Variants in DDX27 observed in about 807,000 individuals in gnomAD.
DDX27 encodes the protein probable ATP-dependent RNA helicase DDX27.
A neutral mutation model predicts 99.3 loss-of-function variants in DDX27; 42 were observed. That is an observed-to-expected ratio of 0.42 (90% CI 0.33 to 0.55). DDX27 has a LOEUF of 0.55. DDX27 is among the 20% of genes least tolerant of loss of function. The pLI is 0.07. For missense variants in DDX27, 798 were observed against 976.8 expected (o/e 0.82, Z 2.44); for synonymous variants, 329 against 353.8 (o/e 0.93, Z 0.79).
chr20:49,243,143 C>T (rs1331647676), intron 19 of DDX27, among the ~76,000 whole-genome samples: 3 of 152,168 alleles, frequency 2.0e-5, no homozygotes, highest in Admixed American at 1.3e-4. Flanking sequence ...ACCCCCCACC[C>T]CTCTCAGAGC....
intron 8 of DDX27, among the ~76,000 whole-genome samples, chr20:49,229,125 C>T (rs1451623434): frequency 6.6e-6 from 1 of 151,092 alleles, no homozygotes; most frequent in Admixed American, 6.6e-5. Context: ...GCAAGCTCCG[C>T]CTCCCGGGTT....
chr20:49,233,739 T>C, intron 11 of DDX27, 30 bp downstream of exon 11: 2 of 1,603,144 alleles, frequency 1.2e-6, no homozygotes, highest in South Asian at 1.1e-5. Context: ...CTGGGCAGGG[T>C]GGGCTGGTCA....
At chr20:49,232,783 A>AT (rs1980163085) in intron 9 of DDX27, 1 of 186,948 alleles carries the variant, frequency 5.3e-6, no homozygotes, top group African/African-American at 2.4e-5. Flanking sequence ...AAAAAAAAAA[A>AT]AAAAAAATTA....
chr20:49,242,118 G>A lies in DDX27; in HGVS notation c.2028G>A (p.Ala676=), dbSNP rs1324650256. The change falls in exon 18 of 21, where the codon GCG becomes GCA. Residue 676 remains alanine, a synonymous_variant. Coordinates refer to ENST00000618172, the MANE Select transcript of DDX27 (RefSeq NM_017895.8). ...GGTCTCAGTTTGAAATCCTCAAGGC[G>A]CAGATGTTTGCTGAACGGCTAGCGA... The part of the protein sequence containing the change: ...EERSQFEILK[A]QMFAERLAKR... 3 of 1,614,094 alleles carry A rather than the reference G, an allele frequency of 1.9e-6. No homozygotes were observed. Among genetic ancestry groups the A allele is most frequent in the Non-Finnish European group, 2.5e-6 (3 of 1,180,044 alleles).
chr20:49,239,445 G>T, intron 16 of DDX27, 107 bp downstream of exon 16: 1 of 767,972 alleles, frequency 1.3e-6, no homozygotes. Flanking sequence ...CCAACCTTTC[G>T]GCACCAAGGA....
chr20:49,229,655 T>G (rs898211891), intron 8 of DDX27, among the ~76,000 whole-genome samples: 2 of 150,622 alleles, frequency 1.3e-5, no homozygotes, highest in Non-Finnish European at 3.0e-5. Context: ...ATTCTCTTTT[T>G]TTTTTTTTTT....
At chr20:49,225,744 C>T (rs1363511742) in intron 6 of DDX27, among the ~76,000 whole-genome samples, 2 of 152,154 alleles carry the variant, frequency 1.3e-5, no homozygotes, top group Admixed American at 6.6e-5. Context: ...CGTGAGCCAC[C>T]GCGCCCGGCC....
rs10654735 is a variant in DDX27, at chr20:49,224,362, C to CTTTTTTTT, written c.467-580_467-579insTTTTTTTT. 1.4e-5 allele frequency among the ~76,000 whole-genome samples: 2 copies of CTTTTTTTT among 140,818 alleles called. 1 individual carries two copies. The highest frequency in any genetic ancestry group is 3.1e-5 in the Non-Finnish European group (2 of 65,512). The allele number at this position is 140,818 out of a possible 152,430, so 92.4% of individuals were successfully genotyped here. A position where few individuals can be genotyped will look rare whatever the true frequency, so the allele number is the denominator to read the frequency against. On this transcript the variant is annotated intron_variant, in intron 4 of 20. Transcript: ENST00000618172. ...GTGGGTGCTCAATAAGTATTTCTTT[C>CTTTTTTTT]TTTCTTTTTTTTTTTTTGAGATGGA... is the stretch of plus-strand genomic sequence containing the variant.
At chr20:49,237,726 C>G (rs1458219894) in intron 14 of DDX27, among the ~76,000 whole-genome samples, 3 of 152,120 alleles carry the variant, frequency 2.0e-5, no homozygotes, top group Admixed American at 1.3e-4. Flanking sequence ...CCTGGGTGAT[C>G]GGAATGAGGC....
At position 49,226,552 on chromosome 20, in the gene DDX27, C is replaced by G. The variant is rs1003398487; in HGVS notation, c.706+17C>G. The G allele has an allele frequency of 1.9e-6, 3 of 1,604,256 alleles. No individual in the cohort carries two copies. Among genetic ancestry groups the G allele is most frequent in the Admixed American group, 1.7e-5 (1 of 59,780 alleles). ...CTGGGACAGGTGAAAAGGATAGGGACCCAGGGTGGGCAGAAGGGTGTTACG... is the reference window on the plus strand; with the variant it reads ...CTGGGACAGGTGAAAAGGATAGGGAGCCAGGGTGGGCAGAAGGGTGTTACG... On this transcript the variant is annotated intron_variant, in intron 7 of 20. Coordinates refer to ENST00000618172, the MANE Select transcript of DDX27 (RefSeq NM_017895.8).
intron 3 of DDX27, 49 bp downstream of exon 3, chr20:49,223,065 C>G (rs1272177859): frequency 6.5e-7 from 1 of 1,538,150 alleles, no homozygotes; most frequent in Admixed American, 1.7e-5. Flanking sequence ...ACTCTTTACT[C>G]TCACCACGAC....
At chr20:49,234,755 T>C (rs1980248780) in intron 11 of DDX27, 180 bp from the exon 12 acceptor site, 1 of 636,202 alleles carries the variant, frequency 1.6e-6, no homozygotes. Context: ...CTCACAGCAT[T>C]TTTCACCCCC....
In DDX27 at chr20:49,230,182, C is replaced by A; in HGVS notation, c.881-17C>A. On this transcript the variant is annotated splice_polypyrimidine_tract_variant and intron_variant, in intron 8 of 20. Transcript: ENST00000618172. Reference sequence around the variant, plus strand: ...CAGCTGACCTGGCCGCCTGGTGGGGCTCTCTTCTCTTTGCAGGCGGCTTGG... The same window carrying A: ...CAGCTGACCTGGCCGCCTGGTGGGGATCTCTTCTCTTTGCAGGCGGCTTGG... 1 of 1,603,478 alleles carries A rather than the reference C, an allele frequency of 6.2e-7. No homozygotes were observed. The highest frequency in any genetic ancestry group is 8.5e-7 in the Non-Finnish European group (1 of 1,175,658).
At chr20:49,237,617 A>T (rs184064543) in intron 14 of DDX27, among the ~76,000 whole-genome samples, 32 of 152,344 alleles carry the variant, frequency 2.1e-4, no homozygotes, top group African/African-American at 7.7e-4. Context: ...AAGAGACAAT[A>T]AATAAGCTAA....
Position 49,229,187 on chromosome 20 carries a change from C to T in DDX27, c.880+299C>T, listed in dbSNP as rs181873925. Among the ~76,000 whole-genome samples, 34 of 152,158 alleles carry T rather than the reference C, an allele frequency of 2.2e-4. 1 individual carries two copies. The highest frequency in any genetic ancestry group is 7.5e-4 in the African/African-American group (31 of 41,532). On this transcript the variant is annotated intron_variant, in intron 8 of 20. Coordinates refer to ENST00000618172, the MANE Select transcript of DDX27 (RefSeq NM_017895.8). ...CCAGTAGCTGGGACTACCGCCACCA[C>T]GCCTGGCTAATTTTTTGTATTTTTA...
chr20:49,240,913 C>T (rs982576477), intron 16 of DDX27, among the ~76,000 whole-genome samples: 1 of 151,982 alleles, frequency 6.6e-6, no homozygotes, highest in Admixed American at 6.6e-5. Context: ...ACTTGAGAGG[C>T]TGAGGTAGGA....
intron 9 of DDX27, 107 bp downstream of exon 9, chr20:49,230,456 G>GATCAGCCAC (rs1980067490): frequency 3.0e-6 from 4 of 1,335,804 alleles, no homozygotes; most frequent in Non-Finnish European, 4.0e-6. Flanking sequence ...GGCCATGGCT[G>GATCAGCCAC]TTGGTGTGCG....
At position 49,233,408 on chromosome 20, in the gene DDX27, G is replaced by A; in HGVS notation, c.1131+3G>A. The A allele has an allele frequency of 6.2e-7, 1 of 1,613,702 alleles. No homozygotes were observed. ...TCTCGGCCACCATGACAGACGAGGT[G>A]GGCCGAGGGACTTCTCTGTGGCGGG... On this transcript the variant is annotated splice_donor_region_variant and intron_variant, in intron 10 of 20. Transcript: ENST00000618172.
At chr20:49,237,762 TG>T (rs773621336) in intron 14 of DDX27, among the ~76,000 whole-genome samples, 2 of 152,134 alleles carry the variant, frequency 1.3e-5, no homozygotes, top group Non-Finnish European at 2.9e-5. Context: ...GAGGGCAAAG[TG>T]CTGAGCTGAG....
Sources: gnomAD v4.1 joint callset for allele counts (sites outside exome capture counted in the v4.1 genomes callset) on GRCh38, gnomAD v4.1.1 for gene constraint, MANE v1.5 for transcripts, NCBI Gene and HGNC (gene_info 2026-07-23, HGNC 2026-07-21) for gene names.